Variants in SLC30A3 observed in about 807,000 individuals in gnomAD.
SLC30A3 encodes the protein solute carrier family 30 member 3, also known as probable proton-coupled zinc antiporter SLC30A3.
SLC30A3 carries 20 observed loss-of-function variants against 35.6 expected under a neutral mutation model. That is an observed-to-expected ratio of 0.56 (90% CI 0.39 to 0.82). The LOEUF is 0.82. Among genes scored for constraint, SLC30A3 ranks in the 40% least tolerant of loss-of-function variants. The probability of loss-of-function intolerance (pLI) is 0.00; values close to 1 mark genes in which losing one functional copy is unlikely to be tolerated. For missense variants in SLC30A3, 401 were observed against 530.6 expected (o/e 0.76, Z 2.40); for synonymous variants, 217 against 224.7 (o/e 0.97, Z 0.31).
In SLC30A3 at chr2:27,257,868, G is replaced by C; in HGVS notation, c.578+37C>G. 6.3e-7 allele frequency: 1 copy of C among 1,590,286 alleles called. No individual in the cohort carries two copies. Among genetic ancestry groups the C allele is most frequent in the Non-Finnish European group, 8.6e-7 (1 of 1,165,902 alleles). On this transcript the variant is annotated intron_variant, in intron 4 of 7. Coordinates refer to ENST00000233535, the MANE Select transcript of SLC30A3 (RefSeq NM_003459.5). The surrounding 1 kb of genome is among the most constrained non-coding windows in gnomAD (Gnocchi z 4.7). ...ATCCTGGAGGAAGACCCCTCGCCCT[G>C]GGCCCCACAAGGTGCCTGCTCCATA... is the stretch of plus-strand genomic sequence containing the variant.
At position 27,258,720 on chromosome 2, in the gene SLC30A3, A is replaced by T; in HGVS notation, c.277+33T>A. The T allele has an allele frequency of 1.2e-6, 2 of 1,611,516 alleles. No homozygotes were observed. Among genetic ancestry groups the T allele is most frequent in the Non-Finnish European group, 8.5e-7 (1 of 1,178,174 alleles). ...GAGAGTGGCTTGGGCAGGTATTTGG[A>T]GAATGGGGTTTAAGGGCTGCTCCCC... On this transcript the variant is annotated intron_variant, in intron 2 of 7. Coordinates refer to ENST00000233535, the MANE Select transcript of SLC30A3 (RefSeq NM_003459.5). The surrounding 1 kb of genome is among the most constrained non-coding windows in gnomAD (Gnocchi z 4.0).
Position 27,254,957 on chromosome 2 carries a change from A to G in SLC30A3, c.*355T>C. 1 of 800,620 alleles carries G rather than the reference A, an allele frequency of 1.2e-6. No individual in the cohort carries two copies. Among genetic ancestry groups the G allele is most frequent in the Non-Finnish European group, 1.7e-6 (1 of 583,620 alleles). The allele number at this position is 800,620 out of a possible 1,614,324, so 49.6% of individuals were successfully genotyped here. The stretch of plus-strand genomic sequence containing the variant: ...GACAGGCAGATGCCCCCAGCCAGCC[A>G]GCCTGCCACACAGACAAATGGACTG... On this transcript the variant is annotated 3_prime_UTR_variant, in exon 8 of 8. Transcript: ENST00000233535.
At chr2:27,260,157 G>C (rs79026079) in intron 1 of SLC30A3, among the ~76,000 whole-genome samples, 1 of 152,036 alleles carries the variant, frequency 6.6e-6, no homozygotes, top group Non-Finnish European at 1.5e-5. Flanking sequence ...TCCTGCCCCC[G>C]CCCTCCCTAG....
chr2:27,258,310 G>A lies in SLC30A3; in HGVS notation c.278-3C>T. ...CAGGCTGTGTGCCAGATACCCGCCT[G>A]CCAGGGTGAAATGATGGAGTCTGCT... On this transcript the variant is annotated splice_region_variant and splice_polypyrimidine_tract_variant and intron_variant, in intron 2 of 7. Transcript: ENST00000233535. The surrounding 1 kb of genome is among the most constrained non-coding windows in gnomAD (Gnocchi z 4.0). 1 of 1,515,374 alleles carries A rather than the reference G, an allele frequency of 6.6e-7. No homozygotes were observed. Among genetic ancestry groups the A allele is most frequent in the Non-Finnish European group, 8.8e-7 (1 of 1,130,612 alleles). The allele number at this position is 1,515,374 out of a possible 1,614,324, so 93.9% of individuals were successfully genotyped here. A position where few individuals can be genotyped will look rare whatever the true frequency, so the allele number is the denominator to read the frequency against.
upstream of SLC30A3, among the ~76,000 whole-genome samples, chr2:27,268,021 A>G (rs1677567763): frequency 6.6e-6 from 1 of 151,724 alleles, no homozygotes; most frequent in Non-Finnish European, 1.5e-5. Context: ...ATTTTTCTCC[A>G]TAGCCATCAT....
Position 27,262,648 on chromosome 2 carries a change from G to A in SLC30A3, c.95+164C>T, listed in dbSNP as rs1429824997. The stretch of plus-strand genomic sequence containing the variant: ...GAGGCGTAGCCGGCTGTGTAGGGCT[G>A]GGCGCTCCGTGTGGCCAGAGGGGAT... On this transcript the variant is annotated intron_variant, in intron 1 of 7. Transcript: ENST00000233535. This position sits in a 1 kb window ranked among gnomAD's most constrained non-coding sequence, Gnocchi z 7.5. Among the ~76,000 whole-genome samples the A allele has an allele frequency of 6.6e-6, 1 of 152,058 alleles. No homozygotes were observed. Among genetic ancestry groups the A allele is most frequent in the African/African-American group, 2.4e-5 (1 of 41,408 alleles).
upstream of SLC30A3, among the ~76,000 whole-genome samples, chr2:27,264,604 G>A (rs55966839): frequency 8.0e-3 from 1,218 of 152,278 alleles, 17 homozygotes; most frequent in African/African-American, 0.028. The surrounding 1 kb of genome is among the most constrained non-coding windows in gnomAD (Gnocchi z 6.1). Flanking sequence ...CGCCCTCCGC[G>A]CCGTCCCCAC....
Position 27,262,880 on chromosome 2 carries a change from G to A in SLC30A3, c.27C>T (p.Gly9=). 1 of 1,557,486 alleles carries A rather than the reference G, an allele frequency of 6.4e-7. No individual in the cohort carries two copies. The highest frequency in any genetic ancestry group is 1.2e-5 in the South Asian group (1 of 84,776). Residue 9 remains glycine, a synonymous_variant, in exon 1 of 8, where the codon GGC becomes GGT. Coordinates refer to ENST00000233535, the MANE Select transcript of SLC30A3 (RefSeq NM_003459.5). This position sits in a 1 kb window ranked among gnomAD's most constrained non-coding sequence, Gnocchi z 7.5. MEPSPAAG[G]LETTRLVSPR... The stretch of plus-strand genomic sequence containing the variant: ...GGCTCACCAGGCGAGTGGTCTCCAA[G>A]CCCCCAGCGGCTGGAGAGGGCTCCA...
intron 1 of SLC30A3, among the ~76,000 whole-genome samples, chr2:27,269,326 C>T (rs1044604070): frequency 1.7e-4 from 26 of 151,846 alleles, no homozygotes; most frequent in African/African-American, 6.0e-4. Flanking sequence ...CTGCCTTAGC[C>T]TCCCGAGTAG....
At chr2:27,270,982 C>T (rs1677706583) in intron 1 of SLC30A3, among the ~76,000 whole-genome samples, 1 of 152,150 alleles carries the variant, frequency 6.6e-6, no homozygotes, top group Admixed American at 6.5e-5. Context: ...AAGGAACAGT[C>T]ACGGTGTAGA....
Position 27,256,529 on chromosome 2 carries a change from A to G in SLC30A3, c.884-9T>C. The stretch of plus-strand genomic sequence containing the variant: ...CACATTGCGGGGGGTACCTGCAACC[A>G]GCACCAGTCATGCCTTACTGCTAGG... On this transcript the variant is annotated splice_polypyrimidine_tract_variant and intron_variant, in intron 6 of 7. Transcript: ENST00000233535. The G allele has an allele frequency of 6.2e-7, 1 of 1,613,938 alleles. No individual in the cohort carries two copies. The highest frequency in any genetic ancestry group is 2.2e-5 in the East Asian group (1 of 44,880).
chr2:27,267,101 A>T (rs1677529062), upstream of SLC30A3, among the ~76,000 whole-genome samples: 1 of 152,060 alleles, frequency 6.6e-6, no homozygotes, highest in South Asian at 2.1e-4. Flanking sequence ...TTCCCATGTC[A>T]GAATATGGTA....
chr2:27,262,328 G>A lies in SLC30A3; in HGVS notation c.95+484C>T, dbSNP rs983723500. On this transcript the variant is annotated intron_variant, in intron 1 of 7. Coordinates refer to ENST00000233535, the MANE Select transcript of SLC30A3 (RefSeq NM_003459.5). The surrounding 1 kb of genome is among the most constrained non-coding windows in gnomAD (Gnocchi z 7.5). Reference sequence around the variant, plus strand: ...GGCCCGCAAGACCCGCGCGGAGCCCGGCCCATCCTCGGGCCCCGGCGCCCA... The same window carrying A: ...GGCCCGCAAGACCCGCGCGGAGCCCAGCCCATCCTCGGGCCCCGGCGCCCA... Among the ~76,000 whole-genome samples, 2 of 151,798 alleles carry A rather than the reference G, an allele frequency of 1.3e-5. 1 individual carries two copies. The highest frequency in any genetic ancestry group is 2.9e-5 in the Non-Finnish European group (2 of 67,908).
rs1280114441 is a variant in SLC30A3 at position 27,254,018 on chromosome 2, T to G, written c.*1294A>C. 1 of 152,232 alleles carries G rather than the reference T, an allele frequency of 6.6e-6. No individual in the cohort carries two copies. Among genetic ancestry groups the G allele is most frequent in the Non-Finnish European group, 1.5e-5 (1 of 68,044 alleles). The allele number at this position is 152,232 out of a possible 1,614,324, so 9.4% of individuals were successfully genotyped here. A position where few individuals can be genotyped will look rare whatever the true frequency, so the allele number is the denominator to read the frequency against. On this transcript the variant is annotated 3_prime_UTR_variant, in exon 8 of 8. Coordinates refer to ENST00000233535, the MANE Select transcript of SLC30A3 (RefSeq NM_003459.5). ...TCAACAATCCCTTAATGAGCCTGAT[T>G]TTAAGACTTAATGTGTCAAAATATG...
Position 27,256,813 on chromosome 2 carries a change from TC to T in SLC30A3, c.857del (p.Arg286GlnfsTer179). Reference protein sequence around the residue: ...CALGSTAPTLRDVLRILMEGT... With the variant: ...CALGSTAPTLXDVLRILMEGT... ...CTTCCATGAGGATTCGAAGAACGTC[TC>T]GGAGGGTGGGAGCGGTGGATCCAAG... On this transcript the variant is annotated frameshift_variant, in exon 6 of 8. Transcript: ENST00000233535. LOFTEE classifies it high-confidence loss of function. The T allele has an allele frequency of 6.2e-7, 1 of 1,605,958 alleles. No homozygotes were observed. The highest frequency in any genetic ancestry group is 8.5e-7 in the Non-Finnish European group (1 of 1,177,860).
At chr2:27,259,140 C>G (rs1201343657) in intron 1 of SLC30A3, 2 of 487,708 alleles carry the variant, frequency 4.1e-6, no homozygotes, top group Non-Finnish European at 7.2e-6. Flanking sequence ...CTTCCATACA[C>G]AGAGCCATAG....
At chr2:27,256,255 A>T (rs1408664516) in intron 7 of SLC30A3, 131 bp downstream of exon 7, 12 of 989,034 alleles carry the variant, frequency 1.2e-5, no homozygotes, top group Non-Finnish European at 1.7e-5. Context: ...TGTCTATGTG[A>T]GAGAGAGAGA....
rs1471636026 is a variant in SLC30A3, at chr2:27,257,013, C to T, written c.778-120G>A. 1.8e-6 allele frequency: 2 copies of T among 1,121,218 alleles called. No individual in the cohort carries two copies. The highest frequency in any genetic ancestry group is 2.7e-6 in the Non-Finnish European group (2 of 747,474). 69.5% of individuals were successfully genotyped at this position (1,121,218 alleles called of 1,614,324 possible). A position where few individuals can be genotyped will look rare whatever the true frequency, so the allele number is the denominator to read the frequency against. On this transcript the variant is annotated intron_variant, in intron 5 of 7. Coordinates refer to ENST00000233535, the MANE Select transcript of SLC30A3 (RefSeq NM_003459.5). The surrounding 1 kb of genome is among the most constrained non-coding windows in gnomAD (Gnocchi z 4.7). ...AAAACCCTGAAGAGGGGACAGGGAA[C>T]ATGACTCATGTCTGGGAGAGTCCTG...
At position 27,258,890 on chromosome 2, in the gene SLC30A3, G is replaced by T. The variant is rs1478164436; in HGVS notation, c.140C>A (p.Pro47His). Residue 47 changes from proline (P) to histidine (H), a missense_variant, in exon 2 of 8, where the codon CCT becomes CAT. Physicochemically the swap from Pro to His is moderately conservative, Grantham distance 77 (BLOSUM62 -2). Around this residue, in one of 3 missense-constraint regions of SLC30A3, gnomAD observed 103 missense variants for 120.7 expected, o/e 0.85. Transcript: ENST00000233535. This position sits in a 1 kb window ranked among gnomAD's most constrained non-coding sequence, Gnocchi z 4.0. ...PSEPLPEESK[P>H]VEMPFHHCHR... ...GCAGTGGTGGAAGGGCATCTCCACA[G>T]GTTTGGACTCCTCAGGGAGGGGCTC... is the stretch of plus-strand genomic sequence containing the variant. The T allele has an allele frequency of 3.7e-6, 6 of 1,613,384 alleles. No individual in the cohort carries two copies. In the East Asian group the frequency reaches 1.1e-4, roughly 30 times the overall value.
Sources: allele counts gnomAD v4.1 joint callset (sites outside exome capture counted in the v4.1 genomes callset), GRCh38; gene constraint gnomAD v4.1.1; regional missense constraint gnomAD v4.1.1; non-coding constraint Gnocchi (gnomAD v3.1); transcripts MANE v1.5; gene names NCBI Gene and HGNC (gene_info 2026-07-23, HGNC 2026-07-21).